Variants in ME3 observed in about 807,000 individuals in gnomAD.
ME3 encodes the protein NADP-dependent malic enzyme, mitochondrial.
Under a neutral mutation model 68.9 loss-of-function variants are expected in ME3, and 48 were observed. The ratio of observed to expected loss-of-function variants is 0.70; its 90% CI spans 0.55 to 0.89. The LOEUF (loss-of-function observed/expected upper bound fraction) is 0.89, where lower values mean the gene tolerates loss of function less well. Ranked by LOEUF, ME3 falls within the 40% of genes least tolerant of loss-of-function variation. ME3 has a pLI of 0.00. For missense variants in ME3, 675 were observed against 797.4 expected (o/e 0.85, Z 1.85); for synonymous variants, 320 against 318.8 (o/e 1.00, Z -0.04).
At chr11:86,643,923 T>C (rs368510329) in intron 2 of ME3, among the ~76,000 whole-genome samples, 1 of 152,314 alleles carries the variant, frequency 6.6e-6, no homozygotes, top group East Asian at 1.9e-4. Flanking sequence ...CTCCCCTGTA[T>C]AACGAAGGTA....
chr11:86,671,860 C>T, exon 2 of ME3: 2 of 1,580,140 alleles, frequency 1.3e-6, no homozygotes, highest in Non-Finnish European at 1.7e-6. Context: ...TGGGCGGGCG[C>T]GGTGGGTGTC....
At chr11:86,569,059 A>G (rs1385357787) in intron 2 of ME3, among the ~76,000 whole-genome samples, 1 of 152,208 alleles carries the variant, frequency 6.6e-6, no homozygotes, top group African/African-American at 2.4e-5. Flanking sequence ...CATGCTTAGC[A>G]CAGATATTGG....
At chr11:86,620,144 G>A (rs1293027975) in intron 2 of ME3, among the ~76,000 whole-genome samples, 4 of 152,082 alleles carry the variant, frequency 2.6e-5, no homozygotes, top group Middle Eastern at 3.2e-3. Context: ...TGCCTGGCAC[G>A]TACTAGATGT....
intron 2 of ME3, among the ~76,000 whole-genome samples, chr11:86,573,779 C>G (rs948146622): frequency 7.2e-5 from 11 of 152,168 alleles, no homozygotes; most frequent in African/African-American, 2.6e-4. Context: ...GTCATAAATA[C>G]CTCTTATTAT....
At chr11:86,542,403 C>A (rs1956104458) in intron 4 of ME3, among the ~76,000 whole-genome samples, 1 of 151,906 alleles carries the variant, frequency 6.6e-6, no homozygotes, top group Middle Eastern at 3.4e-3. Flanking sequence ...AAGCTAAGAA[C>A]CTTGAAAAAA....
chr11:86,644,278 G>T (rs1238440806), intron 2 of ME3, among the ~76,000 whole-genome samples: 6 of 152,204 alleles, frequency 3.9e-5, no homozygotes, highest in African/African-American at 1.2e-4. Context: ...GCCTCTAACT[G>T]GTCTTGCTTC....
At chr11:86,654,696 A>C (rs1945730547) in intron 2 of ME3, among the ~76,000 whole-genome samples, 1 of 152,248 alleles carries the variant, frequency 6.6e-6, no homozygotes, top group Admixed American at 6.5e-5. Context: ...CAAGACAGGG[A>C]TGCCCTCTCT....
rs531816427 is a variant in ME3 at position 86,664,684 on chromosome 11, T to C, written c.183+7078A>G. Among the ~76,000 whole-genome samples the C allele has an allele frequency of 2.6e-5, 4 of 152,038 alleles. No homozygotes were observed. In the South Asian group the frequency reaches 8.3e-4, roughly 32 times the overall value. On this transcript the variant is annotated intron_variant, in intron 2 of 14. Coordinates refer to ENST00000543262, the Ensembl canonical transcript of ME3. ...GGATGAAGTCTCCAAGGACTCAGAG[T>C]GGAGGGTGGGAGTTCCAGTGGAGAT... is the stretch of plus-strand genomic sequence containing the variant.
intron 8 of ME3, among the ~76,000 whole-genome samples, chr11:86,461,870 G>A (rs1164573179): frequency 6.6e-6 from 1 of 152,214 alleles, no homozygotes; most frequent in African/African-American, 2.4e-5. Context: ...CTATTTGCCA[G>A]CTGTCCTCAT....
intron 2 of ME3, among the ~76,000 whole-genome samples, chr11:86,660,365 C>T (rs1387314331): frequency 6.6e-6 from 1 of 152,228 alleles, no homozygotes; most frequent in Non-Finnish European, 1.5e-5. Context: ...GTTAGGAATG[C>T]AACAGAAGCT....
chr11:86,517,665 G>A (rs752511485), intron 4 of ME3, among the ~76,000 whole-genome samples: 1 of 152,192 alleles, frequency 6.6e-6, no homozygotes, highest in Admixed American at 6.5e-5. Flanking sequence ...CAAAGGAAAA[G>A]AATTCCTTGT....
downstream of ME3, chr11:86,436,993 G>A (rs1022183615): frequency 2.6e-5 from 4 of 152,114 alleles, no homozygotes; most frequent in Admixed American, 6.5e-5. Flanking sequence ...GCATAGTGGT[G>A]AAGTATGGAC....
chr11:86,508,787 CATACCTTA>C lies in ME3; in HGVS notation c.540_543+4del. Reference sequence around the variant, plus strand: ...GATTAAATAGCAATGAAAACGGGATCATACCTTAATATTGTCTTCTGGCCAAGAATTCA... The same window carrying C: ...GATTAAATAGCAATGAAAACGGGATCATATTGTCTTCTGGCCAAGAATTCA... On this transcript the variant is annotated splice_donor_variant and splice_donor_region_variant and coding_sequence_variant and intron_variant, in exon 5 of 15. Coordinates refer to ENST00000543262, the Ensembl canonical transcript of ME3. LOFTEE classifies it high-confidence loss of function. 6.2e-7 allele frequency: 1 copy of C among 1,606,724 alleles called. No homozygotes were observed. The highest frequency in any genetic ancestry group is 8.5e-7 in the Non-Finnish European group (1 of 1,173,352).
chr11:86,478,061 T>C (rs1951182890), intron 7 of ME3, among the ~76,000 whole-genome samples: 1 of 152,098 alleles, frequency 6.6e-6, no homozygotes, highest in Non-Finnish European at 1.5e-5. Context: ...GTCAGATTCA[T>C]AGCCTTCAGT....
At chr11:86,521,706 T>A (rs749538281) in intron 4 of ME3, among the ~76,000 whole-genome samples, 60 of 152,172 alleles carry the variant, frequency 3.9e-4, no homozygotes, top group Admixed American at 6.5e-4. Flanking sequence ...ACACAATTAT[T>A]TATTTTTCTT....
intron 2 of ME3, among the ~76,000 whole-genome samples, chr11:86,569,568 G>T (rs1354488757): frequency 6.6e-6 from 1 of 152,126 alleles, no homozygotes; most frequent in Non-Finnish European, 1.5e-5. Context: ...ACTCAGGGTG[G>T]TGGGGAGGTA....
Position 86,497,986 on chromosome 11 carries a change from G to A in ME3, c.682C>T (p.Leu228=), listed in dbSNP as rs115220216. The A allele has an allele frequency of 8.6e-4, 1,377 of 1,605,740 alleles. 16 individuals carry two copies. The African/African-American group carries it at 0.017, about 20-fold the overall frequency. ...ACCTCATTGTTGGTGCCGACGTCCA[G>A]CAGCACAGGGAGGCACTGCTGCGGG... is the stretch of plus-strand genomic sequence containing the variant. The change falls in exon 6 of 15, where the codon CTG becomes TTG. Residue 228 remains leucine, a synonymous_variant. Coordinates refer to ENST00000543262, the Ensembl canonical transcript of ME3.
intron 4 of ME3, among the ~76,000 whole-genome samples, chr11:86,528,579 A>C (rs1048290526): frequency 4.6e-5 from 7 of 152,202 alleles, no homozygotes; most frequent in South Asian, 2.1e-4. Context: ...TGCCACACCT[A>C]CTCCAAAATT....
At chr11:86,509,597 T>C (rs999746009) in intron 4 of ME3, among the ~76,000 whole-genome samples, 1 of 152,102 alleles carries the variant, frequency 6.6e-6, no homozygotes, top group Non-Finnish European at 1.5e-5. Flanking sequence ...AAAGTCTTAA[T>C]AGCTTGAGGT....
Sources: allele counts gnomAD v4.1 joint callset (sites outside exome capture counted in the v4.1 genomes callset), GRCh38; gene constraint gnomAD v4.1.1; transcripts MANE v1.5; gene names NCBI Gene and HGNC (gene_info 2026-07-23, HGNC 2026-07-21).